Variants in RAP1A observed in about 807,000 individuals in gnomAD.
The protein encoded by RAP1A is ras-related protein Rap-1A.
Under a neutral mutation model 26.4 loss-of-function variants are expected in RAP1A, and 6 were observed. The ratio of observed to expected loss-of-function variants is 0.23; its 90% confidence interval spans 0.12 to 0.45. RAP1A has a LOEUF of 0.45. Ranked by LOEUF, RAP1A falls within the 20% of genes least tolerant of loss-of-function variation. The pLI, the probability that RAP1A is intolerant of heterozygous loss-of-function variation, is 0.99. For synonymous variants in RAP1A, 73 were observed against 79.4 expected, an observed-to-expected ratio of 0.92 and a Z score of 0.43; for missense variants, 121 against 217.2, an observed-to-expected ratio of 0.56 and a Z score of 2.78.
chr1:111,571,250 G>A (rs527997540), intron 1 of RAP1A, among the ~76,000 whole-genome samples: 6 of 152,192 alleles, frequency 3.9e-5, no homozygotes, highest in African/African-American at 9.7e-5. Context: ...GGCAGGGCAC[G>A]CAAAGTTTCC....
rs536127979 is a variant in RAP1A at position 111,668,616 on chromosome 1, C to T, written c.-27-22718C>T. On this transcript the variant is annotated intron_variant, in intron 1 of 7. Coordinates refer to ENST00000369709, the MANE Select transcript of RAP1A (RefSeq NM_002884.4). ...TAGTAGAACCAGGATTCTAGCCAGG[C>T]GGTATGGGTCCTAAAGTCAGGCTTT... Among the ~76,000 whole-genome samples, 58 of 152,234 alleles carry T rather than the reference C, an allele frequency of 3.8e-4. 1 individual carries two copies. Among genetic ancestry groups the T allele is most frequent in the Middle Eastern group, 3.4e-3 (1 of 294 alleles).
intron 3 of RAP1A, among the ~76,000 whole-genome samples, chr1:111,696,699 G>A (rs570634): frequency 0.54 from 81,745 of 152,012 alleles, 22,047 homozygotes; most frequent in African/African-American, 0.61. Context: ...AAAATTCTAA[G>A]GGACTAACTT....
At chr1:111,705,180 C>A (rs1250470927) in intron 6 of RAP1A, among the ~76,000 whole-genome samples, 1 of 152,216 alleles carries the variant, frequency 6.6e-6, no homozygotes, top group African/African-American at 2.4e-5. Flanking sequence ...CCCCACCAGT[C>A]AACCTTAAAT....
intron 1 of RAP1A, among the ~76,000 whole-genome samples, chr1:111,620,634 C>CT (rs1336612870): frequency 6.6e-6 from 1 of 152,230 alleles, no homozygotes; most frequent in Non-Finnish European, 1.5e-5. Context: ...CTTCCAGCCC[C>CT]TTTCCCGCCT....
intron 1 of RAP1A, among the ~76,000 whole-genome samples, chr1:111,645,329 G>A (rs1407856356): frequency 1.3e-5 from 2 of 152,170 alleles, no homozygotes; most frequent in African/African-American, 2.4e-5. Context: ...TAGGAAAAAA[G>A]ATCATAGTAA....
intron 1 of RAP1A, among the ~76,000 whole-genome samples, chr1:111,629,108 T>G (rs1386977797): frequency 6.6e-6 from 1 of 152,002 alleles, no homozygotes; most frequent in Non-Finnish European, 1.5e-5. Context: ...CTGCAGGACT[T>G]TAAAAAAACC....
At chr1:111,584,566 G>A (rs997731872) in intron 1 of RAP1A, among the ~76,000 whole-genome samples, 32 of 152,072 alleles carry the variant, frequency 2.1e-4, no homozygotes, top group African/African-American at 7.5e-4. Flanking sequence ...CAAAGGTACC[G>A]CCTCTTAATA....
intron 1 of RAP1A, among the ~76,000 whole-genome samples, chr1:111,659,497 C>T (rs547627086): frequency 1.8e-4 from 27 of 149,748 alleles, no homozygotes; most frequent in Admixed American, 1.8e-3. Context: ...TTCTTTAGTC[C>T]GTTGTGACAG....
At chr1:111,702,060 ATACAAGAAAGAG>A (rs1662037279) in intron 4 of RAP1A, among the ~76,000 whole-genome samples, 1 of 152,198 alleles carries the variant, frequency 6.6e-6, no homozygotes, top group Non-Finnish European at 1.5e-5. Flanking sequence ...ACTCCCTGGA[ATACAAGAAAGAG>A]TACATCAGCC....
At chr1:111,542,354 T>C in exon 1 of RAP1A, 1 of 345,968 alleles carries the variant, frequency 2.9e-6, no homozygotes, top group Non-Finnish European at 6.0e-6. Context: ...TCCACGTGGG[T>C]GAAGGACTGT....
At chr1:111,656,059 AGT>A (rs1400886151) in intron 1 of RAP1A, among the ~76,000 whole-genome samples, 1 of 152,176 alleles carries the variant, frequency 6.6e-6, no homozygotes, top group African/African-American at 2.4e-5. Flanking sequence ...ACTGGATAAA[AGT>A]GTATTATATA....
At chr1:111,551,730 T>G (rs1276284781) in intron 1 of RAP1A, among the ~76,000 whole-genome samples, 1 of 149,534 alleles carries the variant, frequency 6.7e-6, no homozygotes, top group Non-Finnish European at 1.5e-5. Context: ...TTTTTGGTTT[T>G]GTTTTGTGGT....
intron 6 of RAP1A, chr1:111,706,682 A>G: frequency 1.0e-6 from 1 of 981,012 alleles, no homozygotes. Context: ...TAGTTCAGAG[A>G]GATGAGGAAG....
In RAP1A at chr1:111,691,325, G is replaced by T. The variant is rs1260827422; in HGVS notation, c.-27-9G>T. The T allele has an allele frequency of 6.3e-7, 1 of 1,584,142 alleles. No homozygotes were observed. The highest frequency in any genetic ancestry group is 8.7e-7 in the Non-Finnish European group (1 of 1,155,780). On this transcript the variant is annotated splice_polypyrimidine_tract_variant and intron_variant, in intron 1 of 7. Coordinates refer to ENST00000369709, the MANE Select transcript of RAP1A (RefSeq NM_002884.4). ...TTCTTAATCTTTGATTTTTTTGTTT[G>T]TTTTTCAGATCGTCAGTATTTAAAC...
chr1:111,694,411 G>A (rs1207601143), intron 2 of RAP1A, among the ~76,000 whole-genome samples: 1 of 152,178 alleles, frequency 6.6e-6, no homozygotes, highest in African/African-American at 2.4e-5. Context: ...TTTAAGTGTA[G>A]ATGACCTCAG....
chr1:111,565,314 A>G (rs1052817714), intron 1 of RAP1A, among the ~76,000 whole-genome samples: 4 of 152,238 alleles, frequency 2.6e-5, no homozygotes, highest in East Asian at 1.9e-4. Context: ...TCAGGCATTC[A>G]ACCTCGTTCA....
At chr1:111,626,355 C>T (rs1659395663) in intron 1 of RAP1A, among the ~76,000 whole-genome samples, 1 of 140,398 alleles carries the variant, frequency 7.1e-6, no homozygotes, top group Non-Finnish European at 1.5e-5. Flanking sequence ...AATAGCTTTT[C>T]TGCATATGTA....
intron 6 of RAP1A, among the ~76,000 whole-genome samples, chr1:111,706,444 C>T (rs1269954576): frequency 6.6e-6 from 1 of 151,492 alleles, no homozygotes; most frequent in Non-Finnish European, 1.5e-5. Flanking sequence ...TAAAGAGCCC[C>T]CTAATTCATT....
intron 1 of RAP1A, among the ~76,000 whole-genome samples, chr1:111,593,564 T>C (rs1371555182): frequency 2.6e-5 from 4 of 151,608 alleles, no homozygotes; most frequent in African/African-American, 9.7e-5. Flanking sequence ...GAGGCTCTGC[T>C]GAGAGATCCT....
Sources: allele counts gnomAD v4.1 joint callset (sites outside exome capture counted in the v4.1 genomes callset), GRCh38; gene constraint gnomAD v4.1.1; transcripts MANE v1.5; gene names NCBI Gene and HGNC (gene_info 2026-07-23, HGNC 2026-07-21).